Variants in HERC4 observed in about 807,000 individuals in gnomAD.
HERC4 encodes probable E3 ubiquitin-protein ligase HERC4.
Under a neutral mutation model 124.3 loss-of-function variants are expected in HERC4, and 28 were observed. The ratio of observed to expected loss-of-function variants is 0.23; its 90% confidence interval spans 0.17 to 0.31. HERC4 has a LOEUF of 0.31. HERC4 is among the 10% of genes least tolerant of loss of function. The pLI is 1.00. For missense variants in HERC4, 713 were observed against 1,229.3 expected (o/e 0.58, Z 6.28); for synonymous variants, 407 against 421.5 (o/e 0.97, Z 0.42).
At chr10:68,074,121 G>C (rs1357412425) in intron 1 of HERC4, 2 of 152,174 alleles carry the variant, frequency 1.3e-5, no homozygotes, top group Admixed American at 6.5e-5. Context: ...GAAATCTGTA[G>C]AACTTTCCAG....
chr10:68,055,839 C>T (rs773755217), intron 3 of HERC4, among the ~76,000 whole-genome samples: 1 of 151,570 alleles, frequency 6.6e-6, no homozygotes, highest in Non-Finnish European at 1.5e-5. Context: ...GCAACCTCTG[C>T]CTCCTGGGTT....
At chr10:67,930,230 T>C (rs1564915690) in intron 23 of HERC4, among the ~76,000 whole-genome samples, 1 of 148,882 alleles carries the variant, frequency 6.7e-6, no homozygotes, top group African/African-American at 2.5e-5. Flanking sequence ...ATTTGCAAAT[T>C]AAAAAAAAAA....
chr10:67,976,120 G>C (rs2035574954), intron 15 of HERC4, among the ~76,000 whole-genome samples: 2 of 151,674 alleles, frequency 1.3e-5, no homozygotes, highest in South Asian at 2.1e-4. Context: ...TTGACTAGTT[G>C]CAACAAAAAC....
In HERC4 at chr10:68,073,196, TAGAA is replaced by T. The variant is rs1589492489; in HGVS notation, c.-78-14_-78-11del. ...TGGAGGTACCCTATGTCTGAGGAAA[TAGAA>T]AGAAGTTAATATGACTTCAAAGAAA... On this transcript the variant is annotated splice_polypyrimidine_tract_variant and intron_variant, in intron 2 of 24. Transcript: ENST00000373700. 2.1e-6 allele frequency: 2 copies of T among 952,156 alleles called. No individual in the cohort carries two copies. The highest frequency in any genetic ancestry group is 1.6e-6 in the Non-Finnish European group (1 of 627,216). 59.0% of individuals were successfully genotyped at this position (952,156 alleles called of 1,614,324 possible).
chr10:67,997,150 G>A (rs1026062436), intron 9 of HERC4, among the ~76,000 whole-genome samples: 2 of 152,112 alleles, frequency 1.3e-5, no homozygotes, highest in African/African-American at 4.8e-5. Context: ...TTATACCTGA[G>A]TCTGAAAGAA....
At chr10:68,025,324 A>G (rs1381894770) in intron 8 of HERC4, among the ~76,000 whole-genome samples, 5 of 152,208 alleles carry the variant, frequency 3.3e-5, no homozygotes, top group Non-Finnish European at 5.9e-5. Context: ...TTACATATAC[A>G]CTATTAACAT....
chr10:67,994,076 C>T (rs1055981367), intron 9 of HERC4: 1 of 152,114 alleles, frequency 6.6e-6, no homozygotes, highest in Non-Finnish European at 1.5e-5. Flanking sequence ...CAAAAATGAG[C>T]TTCAGAGTTT....
chr10:68,041,909 A>T (rs1458004254), intron 4 of HERC4, among the ~76,000 whole-genome samples: 3 of 152,196 alleles, frequency 2.0e-5, no homozygotes, highest in African/African-American at 4.8e-5. Flanking sequence ...GTTATATCCT[A>T]TTGTTAATTT....
intron 4 of HERC4, chr10:68,039,292 G>A (rs1463164830): frequency 7.9e-7 from 1 of 1,263,694 alleles, no homozygotes; most frequent in African/African-American, 1.5e-5. Context: ...CTCCAGAATG[G>A]GCGATAGAGT....
At chr10:67,976,741 G>A (rs1472097808) in intron 15 of HERC4, among the ~76,000 whole-genome samples, 1 of 152,158 alleles carries the variant, frequency 6.6e-6, no homozygotes, top group Non-Finnish European at 1.5e-5. Context: ...CTGTGCACCG[G>A]GGAGAGAAAG....
intron 3 of HERC4, among the ~76,000 whole-genome samples, chr10:68,048,117 CTA>C (rs2040108417): frequency 6.6e-6 from 1 of 152,028 alleles, no homozygotes. Context: ...CAGGGTCTCA[CTA>C]TGTTGCCCAG....
intron 23 of HERC4, among the ~76,000 whole-genome samples, chr10:67,931,195 A>G (rs2031765317): frequency 6.6e-6 from 1 of 151,688 alleles, no homozygotes; most frequent in Admixed American, 6.6e-5. Flanking sequence ...TTGGTTGGCC[A>G]GGATGGTCTC....
At chr10:67,987,469 T>C (rs990703229) in intron 15 of HERC4, among the ~76,000 whole-genome samples, 1 of 152,134 alleles carries the variant, frequency 6.6e-6, no homozygotes, top group African/African-American at 2.4e-5. Context: ...ACAATCTAAT[T>C]AATCTCTTGA....
intron 15 of HERC4, among the ~76,000 whole-genome samples, chr10:67,972,568 A>T (rs1324636276): frequency 6.6e-6 from 1 of 150,798 alleles, no homozygotes; most frequent in African/African-American, 2.4e-5. Flanking sequence ...ATTTCTCTGT[A>T]CTAGCAACAA....
chr10:68,017,021 T>C (rs1281019923), intron 8 of HERC4, among the ~76,000 whole-genome samples: 1 of 152,168 alleles, frequency 6.6e-6, no homozygotes, highest in Non-Finnish European at 1.5e-5. Flanking sequence ...ATTCCCATCA[T>C]AGCCTGATGG....
At chr10:67,931,111 G>A (rs376858145) in intron 23 of HERC4, among the ~76,000 whole-genome samples, 26 of 151,386 alleles carry the variant, frequency 1.7e-4, no homozygotes, top group East Asian at 1.6e-3. Flanking sequence ...TCAGCCTCTC[G>A]ATAGTTGGGA....
Position 67,966,778 on chromosome 10 carries a change from T to C in HERC4, c.1831A>G (p.Ile611Val), listed in dbSNP as rs1351576671. Residue 611 changes from isoleucine to valine, a missense_variant, in exon 16 of 25, where the codon ATA becomes GTA. Physicochemically the swap from Ile to Val is conservative, Grantham distance 29. Coordinates refer to ENST00000373700, the MANE Select transcript of HERC4 (RefSeq NM_015601.4). ...HRVNEKMGQIIQYDKFYIHEV... is the reference protein window; with the variant it reads ...HRVNEKMGQIVQYDKFYIHEV... ...TGTATATAAAATTTATCATACTGTATAATCTGTCCCATTTTCTCATTTACC... is the reference window on the plus strand; with the variant it reads ...TGTATATAAAATTTATCATACTGTACAATCTGTCCCATTTTCTCATTTACC... 4 of 1,562,806 alleles carry C rather than the reference T, an allele frequency of 2.6e-6. No individual in the cohort carries two copies. The highest frequency in any genetic ancestry group is 3.5e-6 in the Non-Finnish European group (4 of 1,150,910).
intron 20 of HERC4, among the ~76,000 whole-genome samples, chr10:67,940,728 G>C (rs1335562516): frequency 1.3e-5 from 2 of 152,092 alleles, no homozygotes; most frequent in African/African-American, 4.8e-5. Flanking sequence ...TACAGGTGTG[G>C]GCCACTGGGC....
At chr10:67,923,467 C>G (rs1337751077) in intron 24 of HERC4, among the ~76,000 whole-genome samples, 2 of 152,132 alleles carry the variant, frequency 1.3e-5, no homozygotes, top group African/African-American at 2.4e-5. Context: ...AAACCAAATA[C>G]AAAATGCAGT....
Sources: gnomAD v4.1 joint callset for allele counts (sites outside exome capture counted in the v4.1 genomes callset) on GRCh38, gnomAD v4.1.1 for gene constraint, MANE v1.5 for transcripts, NCBI Gene and HGNC (gene_info 2026-07-23, HGNC 2026-07-21) for gene names.